HNRNPUL2: variants seen among roughly 807,000 people sequenced by gnomAD.
The protein encoded by HNRNPUL2 is heterogeneous nuclear ribonucleoprotein U like 2.
Under a neutral mutation model 102.2 loss-of-function variants are expected in HNRNPUL2, and 27 were observed. The ratio of observed to expected loss-of-function variants is 0.26; its 90% CI spans 0.19 to 0.36. HNRNPUL2 has a LOEUF of 0.36. Among genes scored for constraint, HNRNPUL2 ranks in the 10% least tolerant of loss-of-function variants. The probability of loss-of-function intolerance (pLI) is 1.00; values close to 1 mark genes in which losing one functional copy is unlikely to be tolerated. For synonymous variants in HNRNPUL2, 458 were observed against 387.2 expected (o/e 1.18, Z -2.15); for missense variants, 936 against 981.1 (o/e 0.95, Z 0.61).
Position 62,720,159 on chromosome 11 carries a change from C to T in HNRNPUL2, c.1644G>A (p.Lys548=). 6.2e-7 allele frequency: 1 copy of T among 1,614,152 alleles called. No individual in the cohort carries two copies. Among genetic ancestry groups the T allele is most frequent in the Non-Finnish European group, 8.5e-7 (1 of 1,179,992 alleles). Reference sequence around the variant, plus strand: ...GAGAGAAGGTCTTGAACAGCAATAGCTTCCGCCGTTGGCCAGAATTGTACA... The same window carrying T: ...GAGAGAAGGTCTTGAACAGCAATAGTTTCCGCCGTTGGCCAGAATTGTACA... ...CNVYNSGQRR[K]LLLFKTFSRK... The change falls in exon 10 of 14, where the codon AAG becomes AAA. Residue 548 remains lysine (K), a synonymous_variant. Transcript: ENST00000301785.
Position 62,726,569 on chromosome 11 carries a change from C to A in HNRNPUL2, c.538+50G>T, listed in dbSNP as rs1482324446. On this transcript the variant is annotated intron_variant, in intron 1 of 13. Transcript: ENST00000301785. ...TGCGGTGCAGGGCGGGGTGCTAGAT[C>A]AGGGGCGCAGCCGGCAGGTTGGAGC... 2.7e-6 allele frequency: 4 copies of A among 1,472,154 alleles called. No individual in the cohort carries two copies. The South Asian group carries it at 5.4e-5, about 20-fold the overall frequency. The allele number at this position is 1,472,154 out of a possible 1,614,324, so 91.2% of individuals were successfully genotyped here.
intron 10 of HNRNPUL2, among the ~76,000 whole-genome samples, chr11:62,718,360 A>ATGAGATCATTCACTCC: frequency 6.6e-6 from 1 of 152,286 alleles, no homozygotes; most frequent in African/African-American, 2.4e-5. Flanking sequence ...AGTTATACCA[A>ATGAGATCATTCACTCC]TGAGATCATT....
intron 9 of HNRNPUL2, among the ~76,000 whole-genome samples, chr11:62,720,911 G>C (rs36030020): frequency 7.1e-6 from 1 of 140,690 alleles, no homozygotes; most frequent in African/African-American, 2.6e-5. Flanking sequence ...TGACAACTTA[G>C]ACACGAGATA....
At position 62,723,577 on chromosome 11, in the gene HNRNPUL2, A is replaced by G. The variant is rs1002797106; in HGVS notation, c.891+10T>C. 1 of 1,592,672 alleles carries G rather than the reference A, an allele frequency of 6.3e-7. No homozygotes were observed. The highest frequency in any genetic ancestry group is 1.3e-5 in the African/African-American group (1 of 74,086). ...AATGAATGAATGAATGAATGGTCTT[A>G]ATGAGCTACCTTTGCCTCAAAGCAG... On this transcript the variant is annotated intron_variant, in intron 4 of 13. Transcript: ENST00000301785.
At position 62,727,166 on chromosome 11, in the gene HNRNPUL2, C is replaced by A; in HGVS notation, c.-10G>T. On this transcript the variant is annotated 5_prime_UTR_variant, in exon 1 of 14. Coordinates refer to ENST00000301785, the MANE Select transcript of HNRNPUL2 (RefSeq NM_001079559.3). ...GCCGCTTCACCTCCATCGCCGCCGC[C>A]GCCTCCTCCGCCTCCCGCCGCCTCC... The A allele has an allele frequency of 7.0e-7, 1 of 1,422,674 alleles. No homozygotes were observed. The allele number at this position is 1,422,674 out of a possible 1,614,324, so 88.1% of individuals were successfully genotyped here. A position where few individuals can be genotyped will look rare whatever the true frequency, so the allele number is the denominator to read the frequency against.
In HNRNPUL2 at chr11:62,723,896, T is replaced by A. The variant is rs774679857; in HGVS notation, c.751+18A>T. 11 of 1,611,172 alleles carry A rather than the reference T, an allele frequency of 6.8e-6. No homozygotes were observed. Among genetic ancestry groups the A allele is most frequent in the Non-Finnish European group, 9.3e-6 (11 of 1,177,960 alleles). ...AGGAGATTAGTTAAAAACCACAGTC[T>A]GTCTGCCTTATACATACACGTGTCC... is the stretch of plus-strand genomic sequence containing the variant. On this transcript the variant is annotated intron_variant, in intron 3 of 13. Coordinates refer to ENST00000301785, the MANE Select transcript of HNRNPUL2 (RefSeq NM_001079559.3).
In HNRNPUL2 at chr11:62,719,263, C is replaced by T. The variant is rs553131317; in HGVS notation, c.1780+760G>A. On this transcript the variant is annotated intron_variant, in intron 10 of 13. Coordinates refer to ENST00000301785, the MANE Select transcript of HNRNPUL2 (RefSeq NM_001079559.3). ...TCAGGAGTTCCAAGACCAGCCTGGG[C>T]AATATGGCGAAACCCCATCTCTACT... is the stretch of plus-strand genomic sequence containing the variant. Among the ~76,000 whole-genome samples, 5 of 152,236 alleles carry T rather than the reference C, an allele frequency of 3.3e-5. No individual in the cohort carries two copies. The South Asian group carries it at 1.0e-3, about 32-fold the overall frequency.
At chr11:62,715,442 ACTCATCCTTCTGCTCCTG>A in intron 13 of HNRNPUL2, 40 bp downstream of exon 13, 1 of 1,565,060 alleles carries the variant, frequency 6.4e-7, no homozygotes, top group South Asian at 1.1e-5. Context: ...GAGGCATAAC[ACTCATCCTTCTGCTCCTG>A]CCCCCCTTCA....
chr11:62,716,553 C>CA (rs1026037550), intron 11 of HNRNPUL2, among the ~76,000 whole-genome samples: 4 of 152,100 alleles, frequency 2.6e-5, no homozygotes, highest in African/African-American at 7.2e-5. Flanking sequence ...CTTCCCCCCA[C>CA]AAAAAACACT....
At position 62,717,054 on chromosome 11, in the gene HNRNPUL2, C is replaced by T. The variant is rs1455168669; in HGVS notation, c.1916G>A (p.Arg639Gln). 3 of 1,614,020 alleles carry T rather than the reference C, an allele frequency of 1.9e-6. No individual in the cohort carries two copies. Among genetic ancestry groups the T allele is most frequent in the Non-Finnish European group, 1.7e-6 (2 of 1,180,010 alleles). ...GTTTCGGTTGTTTCGGCGATTTGTC[C>T]GCTTCTCGGAGGGGGGCAGAAGCTT... ...ARKLLPPSEK[R>Q]TNRRNNRNKR... The change falls in exon 11 of 14, where the codon CGG becomes CAG. Residue 639 changes from arginine to glutamine, a missense_variant. This residue lies in a region of HNRNPUL2 where 609 missense variants were observed against 713.0 expected (regional missense o/e 0.85). Coordinates refer to ENST00000301785, the MANE Select transcript of HNRNPUL2 (RefSeq NM_001079559.3).
chr11:62,721,096 T>G (rs2083699168), intron 9 of HNRNPUL2, among the ~76,000 whole-genome samples, 199 bp downstream of exon 9: 1 of 152,186 alleles, frequency 6.6e-6, no homozygotes, highest in Non-Finnish European at 1.5e-5. Flanking sequence ...CCATTGTCTT[T>G]ATTACATGTT....
At position 62,726,745 on chromosome 11, in the gene HNRNPUL2, A is replaced by C. The variant is rs2134786392; in HGVS notation, c.412T>G (p.Ser138Ala). The change falls in exon 1 of 14, where the codon TCA (serine) becomes GCA (alanine). Residue 138 changes from serine to alanine, a missense_variant. Physicochemically the swap from Ser to Ala is moderately conservative, Grantham distance 99. Around this residue, in one of 2 missense-constraint regions of HNRNPUL2, gnomAD observed 327 missense variants for 268.1 expected, o/e 1.22. Coordinates refer to ENST00000301785, the MANE Select transcript of HNRNPUL2 (RefSeq NM_001079559.3). ...SEKPAEATAG[S>A]GGVNGGEEQG... ...TCTTCGCCACCATTTACCCCGCCTG[A>C]CCCGGCCGTGGCCTCCGCCGGCTTC... 6.2e-7 allele frequency: 1 copy of C among 1,600,500 alleles called. No individual in the cohort carries two copies.
intron 6 of HNRNPUL2, 72 bp from the exon 7 acceptor site, chr11:62,722,452 C>A: frequency 6.5e-7 from 1 of 1,541,806 alleles, no homozygotes; most frequent in Admixed American, 1.8e-5. Context: ...ACAATTTATT[C>A]TTTTTTCACA....
In HNRNPUL2 at chr11:62,715,092, A is replaced by G. The variant is rs2083648604; in HGVS notation, c.*207T>C. Reference sequence around the variant, plus strand: ...GAATAAGACAATATTCTTTTCAACAAACTTTAAAAAAAATGTACAGTTTTG... The same window carrying G: ...GAATAAGACAATATTCTTTTCAACAGACTTTAAAAAAAATGTACAGTTTTG... On this transcript the variant is annotated 3_prime_UTR_variant, in exon 14 of 14. Transcript: ENST00000301785. The G allele has an allele frequency of 3.6e-6, 2 of 558,344 alleles. No individual in the cohort carries two copies. The highest frequency in any genetic ancestry group is 6.4e-6 in the Non-Finnish European group (2 of 313,570). The allele number at this position is 558,344 out of a possible 1,614,324, so 34.6% of individuals were successfully genotyped here. A position where few individuals can be genotyped will look rare whatever the true frequency, so the allele number is the denominator to read the frequency against.
At chr11:62,724,504 A>G in intron 1 of HNRNPUL2, 78 bp from the exon 2 acceptor site, 1 of 1,493,480 alleles carries the variant, frequency 6.7e-7, no homozygotes, top group East Asian at 2.3e-5. Flanking sequence ...AGACACTAAC[A>G]GGGAATCTGA....
chr11:62,719,242 G>C (rs2083682739), intron 10 of HNRNPUL2, among the ~76,000 whole-genome samples: 1 of 152,188 alleles, frequency 6.6e-6, no homozygotes, highest in Admixed American at 6.5e-5. Context: ...CTGAAGTCAG[G>C]AGTTCCAAGA....
At chr11:62,717,935 G>A (rs2083672525) in intron 10 of HNRNPUL2, among the ~76,000 whole-genome samples, 1 of 152,218 alleles carries the variant, frequency 6.6e-6, no homozygotes, top group Non-Finnish European at 1.5e-5. Flanking sequence ...GTCAACTTCA[G>A]AAGCTGAGTC....
chr11:62,726,950 G>C lies in HNRNPUL2; in HGVS notation c.207C>G (p.Gly69=), dbSNP rs1277123540. ...CCTCCTCCTCGTCCCCGCCCGGGCC[G>C]CCGCCCGACGCGGCCACAGGCCGAG... ...AEPRPVAASG[G]GPGGDEEEDE... Residue 69 remains glycine, a synonymous_variant, in exon 1 of 14, where the codon GGC becomes GGG. Coordinates refer to ENST00000301785, the MANE Select transcript of HNRNPUL2 (RefSeq NM_001079559.3). The C allele has an allele frequency of 2.1e-6, 3 of 1,462,058 alleles. No homozygotes were observed. Among genetic ancestry groups the C allele is most frequent in the East Asian group, 2.9e-5 (1 of 34,878 alleles). 90.6% of individuals were successfully genotyped at this position (1,462,058 alleles called of 1,614,324 possible). A position where few individuals can be genotyped will look rare whatever the true frequency, so the allele number is the denominator to read the frequency against.
chr11:62,721,166 C>CA (rs2083699718), intron 9 of HNRNPUL2, 129 bp downstream of exon 9: 2 of 859,612 alleles, frequency 2.3e-6, no homozygotes, highest in Non-Finnish European at 3.6e-6. Context: ...CCTCTGAGTT[C>CA]AAAAAACATT....
Sources: allele counts gnomAD v4.1 joint callset (sites outside exome capture counted in the v4.1 genomes callset), GRCh38; gene constraint gnomAD v4.1.1; regional missense constraint gnomAD v4.1.1; transcripts MANE v1.5; gene names NCBI Gene and HGNC (gene_info 2026-07-23, HGNC 2026-07-21).